C4orf33: variants seen among roughly 807,000 people sequenced by gnomAD.
C4orf33 encodes UPF0462 protein C4orf33.
In C4orf33, 20 loss-of-function variants were observed where a neutral mutation model predicts 24.3. The ratio of observed to expected loss-of-function variants is 0.82; its 90% confidence interval spans 0.58 to 1.19. C4orf33 has a LOEUF of 1.19. Ranked by LOEUF, C4orf33 falls within the 50% of genes most tolerant of loss-of-function variation. C4orf33 has a pLI of 0.00. For missense variants in C4orf33, 207 were observed against 225.9 expected, an observed-to-expected ratio of 0.92 and a Z score of 0.54; for synonymous variants, 67 against 76.4, an observed-to-expected ratio of 0.88 and a Z score of 0.64.
chr4:129,106,770 G>T, intron 3 of C4orf33, 123 bp downstream of exon 3: 1 of 531,702 alleles, frequency 1.9e-6, no homozygotes, highest in Non-Finnish European at 3.3e-6. Flanking sequence ...GAATTTGCTT[G>T]AATGATATGC....
chr4:129,112,025 C>G lies in C4orf33; in HGVS notation c.*234C>G. 2.7e-6 allele frequency: 1 copy of G among 372,194 alleles called. No individual in the cohort carries two copies. Among genetic ancestry groups the G allele is most frequent in the Non-Finnish European group, 4.9e-6 (1 of 204,264 alleles). 23.1% of individuals were successfully genotyped at this position (372,194 alleles called of 1,614,324 possible). On this transcript the variant is annotated 3_prime_UTR_variant, in exon 6 of 6. Coordinates refer to ENST00000425929, the MANE Select transcript of C4orf33 (RefSeq NM_001099783.2). ...CAATGTTTCTCAGAGTCACTTAGTC[C>G]AGGATGTTGCATTCCCAGCACACAG...
rs1181377028 is a variant in C4orf33, at chr4:129,113,122, CTA to C, written c.*1333_*1334del. The C allele has an allele frequency of 2.6e-5, 4 of 152,046 alleles. No individual in the cohort carries two copies. Among genetic ancestry groups the C allele is most frequent in the Admixed American group, 6.6e-5 (1 of 15,238 alleles). The allele number at this position is 152,046 out of a possible 1,614,324, so 9.4% of individuals were successfully genotyped here. A position where few individuals can be genotyped will look rare whatever the true frequency, so the allele number is the denominator to read the frequency against. On this transcript the variant is annotated 3_prime_UTR_variant, in exon 6 of 6. Transcript: ENST00000425929. ...TCACAGTTTCAGATATAAATCATAACTATTTATAATATGGATAAAAATGAAGC... is the reference window on the plus strand; with the variant it reads ...TCACAGTTTCAGATATAAATCATAACTTTATAATATGGATAAAAATGAAGC...
intron 5 of C4orf33, among the ~76,000 whole-genome samples, chr4:129,110,735 C>T (rs1753673883): frequency 6.6e-6 from 1 of 152,266 alleles, no homozygotes; most frequent in South Asian, 2.1e-4. Flanking sequence ...TCACTTCTAG[C>T]ATATTTCTTT....
At chr4:129,095,004 C>A (rs376514096), upstream of C4orf33, among the ~76,000 whole-genome samples, 15 of 152,228 alleles carry the variant, frequency 9.9e-5, no homozygotes, top group East Asian at 1.2e-3. Flanking sequence ...TACCTTCTGG[C>A]TATAACTGAT....
chr4:129,097,098 G>A (rs1363474144), intron 1 of C4orf33, among the ~76,000 whole-genome samples: 1 of 152,034 alleles, frequency 6.6e-6, no homozygotes, highest in Non-Finnish European at 1.5e-5. Context: ...TAGTAGAGAC[G>A]GGGTTTCACC....
At chr4:129,099,103 ACT>A (rs778616272) in intron 1 of C4orf33, among the ~76,000 whole-genome samples, 2 of 151,756 alleles carry the variant, frequency 1.3e-5, no homozygotes, top group Non-Finnish European at 2.9e-5. Context: ...ATTTTATTTA[ACT>A]CTCTTTTTAT....
At chr4:129,098,685 G>A (rs930544258) in intron 1 of C4orf33, among the ~76,000 whole-genome samples, 2 of 152,292 alleles carry the variant, frequency 1.3e-5, no homozygotes, top group South Asian at 2.1e-4. Flanking sequence ...GACAGAGTAG[G>A]AGCAGCAGCT....
At chr4:129,095,164 T>C (rs1044859012), upstream of C4orf33, among the ~76,000 whole-genome samples, 2 of 152,194 alleles carry the variant, frequency 1.3e-5, no homozygotes, top group African/African-American at 4.8e-5. Context: ...AGTTGAATTT[T>C]AATGGAGTAT....
rs1295598311 is a variant in C4orf33 at position 129,114,267 on chromosome 4, C to T, written c.*2476C>T. The T allele has an allele frequency of 1.3e-5, 2 of 152,164 alleles. No homozygotes were observed. Among genetic ancestry groups the T allele is most frequent in the Non-Finnish European group, 2.9e-5 (2 of 68,038 alleles). The allele number at this position is 152,164 out of a possible 1,614,324, so 9.4% of individuals were successfully genotyped here. On this transcript the variant is annotated 3_prime_UTR_variant, in exon 6 of 6. Coordinates refer to ENST00000425929, the MANE Select transcript of C4orf33 (RefSeq NM_001099783.2). ...GGGACTAAAACACCCCATGGGGCAC[C>T]TCTTGACCAAAGAGGGTGGGAGTTG...
intron 2 of C4orf33, among the ~76,000 whole-genome samples, chr4:129,103,844 A>G (rs1181203191): frequency 6.6e-6 from 1 of 152,228 alleles, no homozygotes; most frequent in African/African-American, 2.4e-5. Context: ...ATTTCTTCAA[A>G]GAAGATTTTG....
chr4:129,109,501 C>T lies in C4orf33; in HGVS notation c.323C>T (p.Ser108Phe). ...KQELPLSFRM[S>F]RGETKWEGKA... ...GAACTTCCTTTATCGTTCAGAATGT[C>T]CAGAGGAGAGACAAAATGGGAAGGC... Residue 108 changes from serine to phenylalanine, a missense_variant, in exon 5 of 6, where the codon TCC becomes TTC. Ser to Phe is a radical substitution (Grantham distance 155). Transcript: ENST00000425929. The T allele has an allele frequency of 6.2e-7, 1 of 1,613,536 alleles. No homozygotes were observed. The highest frequency in any genetic ancestry group is 8.5e-7 in the Non-Finnish European group (1 of 1,179,502).
rs566353794 is a variant in C4orf33 at position 129,104,000 on chromosome 4, G to A, written c.181+1209G>A. Among the ~76,000 whole-genome samples the A allele has an allele frequency of 9.1e-4, 139 of 152,164 alleles. 1 individual carries two copies. Among genetic ancestry groups the A allele is most frequent in the Non-Finnish European group, 1.5e-3 (100 of 68,026 alleles). ...TCTTCCTAATGGAATACACACTAAT[G>A]TGACTTACCTTCTAGAGGCACTACA... On this transcript the variant is annotated intron_variant, in intron 2 of 5. Coordinates refer to ENST00000425929, the MANE Select transcript of C4orf33 (RefSeq NM_001099783.2).
chr4:129,099,617 A>C (rs1264728793), intron 1 of C4orf33, among the ~76,000 whole-genome samples: 1 of 152,236 alleles, frequency 6.6e-6, no homozygotes, highest in African/African-American at 2.4e-5. Context: ...CCATGTAAGA[A>C]TAGAAATAGA....
Position 129,106,609 on chromosome 4 carries a change from T to C in C4orf33, c.204T>C (p.Asn68=). Residue 68 remains asparagine (N), a synonymous_variant, in exon 3 of 6, where the codon AAT becomes AAC. Coordinates refer to ENST00000425929, the MANE Select transcript of C4orf33 (RefSeq NM_001099783.2). The part of the protein sequence containing the change: ...DYEVVEAFFL[N]DITEQYLEVE... Reference sequence around the variant, plus strand: ...AAGTTGTGGAAGCATTTTTCTTGAATGATATAACTGAGCAATATTTAGAAG... The same window carrying C: ...AAGTTGTGGAAGCATTTTTCTTGAACGATATAACTGAGCAATATTTAGAAG... 7.8e-6 allele frequency: 12 copies of C among 1,548,130 alleles called. No homozygotes were observed. Among genetic ancestry groups the C allele is most frequent in the Non-Finnish European group, 1.1e-5 (12 of 1,133,654 alleles).
At chr4:129,104,641 C>T (rs989152903) in intron 2 of C4orf33, among the ~76,000 whole-genome samples, 1 of 152,188 alleles carries the variant, frequency 6.6e-6, no homozygotes, top group East Asian at 1.9e-4. Context: ...GTTTTCTTGC[C>T]CTAGAATGCT....
chr4:129,099,451 C>G (rs936683487), intron 1 of C4orf33, among the ~76,000 whole-genome samples: 2 of 152,066 alleles, frequency 1.3e-5, no homozygotes, highest in Non-Finnish European at 2.9e-5. Context: ...ATGATGATAC[C>G]ACGAACACAG....
Position 129,115,256 on chromosome 4 carries a change from G to T in C4orf33, c.*3465G>T. On this transcript the variant is annotated 3_prime_UTR_variant, in exon 6 of 6. Coordinates refer to ENST00000425929, the MANE Select transcript of C4orf33 (RefSeq NM_001099783.2). The stretch of plus-strand genomic sequence containing the variant: ...CTCTGAGTGCTGCAAGGAGTGGACT[G>T]TATTTAATATCTCTTGTGTCCTACC... 1 of 152,292 alleles carries T rather than the reference G, an allele frequency of 6.6e-6. No homozygotes were observed. The highest frequency in any genetic ancestry group is 1.5e-5 in the Non-Finnish European group (1 of 68,012). The allele number at this position is 152,292 out of a possible 1,614,324, so 9.4% of individuals were successfully genotyped here. A position where few individuals can be genotyped will look rare whatever the true frequency, so the allele number is the denominator to read the frequency against.
rs1753731670 is a variant in C4orf33 at position 129,113,632 on chromosome 4, A to G, written c.*1841A>G. 6.6e-6 allele frequency: 1 copy of G among 152,178 alleles called. No individual in the cohort carries two copies. Among genetic ancestry groups the G allele is most frequent in the African/African-American group, 2.4e-5 (1 of 41,454 alleles). The allele number at this position is 152,178 out of a possible 1,614,324, so 9.4% of individuals were successfully genotyped here. On this transcript the variant is annotated 3_prime_UTR_variant, in exon 6 of 6. Transcript: ENST00000425929. The stretch of plus-strand genomic sequence containing the variant: ...TCTCACCACCTAAATAGATTACACA[A>G]TGTGCATATTTATTCAGGTGCATTC...
intron 2 of C4orf33, 196 bp downstream of exon 2, chr4:129,102,987 C>A: frequency 2.4e-5 from 10 of 409,882 alleles, no homozygotes; most frequent in South Asian, 6.0e-5. Flanking sequence ...ATAACAAAAA[C>A]AGTTAAAAAA....
Sources: gnomAD v4.1 joint callset for allele counts (sites outside exome capture counted in the v4.1 genomes callset) on GRCh38, gnomAD v4.1.1 for gene constraint, MANE v1.5 for transcripts, NCBI Gene and HGNC (gene_info 2026-07-23, HGNC 2026-07-21) for gene names.